The following RASA2 variants were observed in gnomAD, a reference collection of about 807,000 sequenced individuals.
RASA2 encodes ras GTPase-activating protein 2.
RASA2 carries 155 observed loss-of-function variants against 118.2 expected under a neutral mutation model. The ratio of observed to expected loss-of-function variants is 1.31; its 90% confidence interval spans 1.15 to 1.50. The LOEUF (loss-of-function observed/expected upper bound fraction) is 1.50, where lower values mean the gene tolerates loss of function less well. Ranked by LOEUF, RASA2 falls within the 40% of genes most tolerant of loss-of-function variation. The pLI is 0.00. For synonymous variants in RASA2, 353 were observed against 349.1 expected (o/e 1.01, Z -0.12); for missense variants, 1,016 against 1,009.6 (o/e 1.01, Z -0.09).
At chr3:141,550,168 G>T (rs2151110946) in intron 5 of RASA2, among the ~76,000 whole-genome samples, 1 of 152,300 alleles carries the variant, frequency 6.6e-6, no homozygotes, top group South Asian at 2.1e-4. Flanking sequence ...GATGCTAAGT[G>T]AGCATAAGTG....
intron 1 of RASA2, among the ~76,000 whole-genome samples, chr3:141,497,556 G>A (rs983066578): frequency 6.7e-6 from 1 of 150,196 alleles, no homozygotes; most frequent in Non-Finnish European, 1.5e-5. Context: ...AAGAAATAAA[G>A]TCAACTTTTC....
In RASA2 at chr3:141,571,445, T is replaced by A. The variant is rs767072491; in HGVS notation, c.1060T>A (p.Cys354Ser). Reference protein sequence around the residue: ...ASAAYILSEICRDKNDAVLPL... With the variant: ...ASAAYILSEISRDKNDAVLPL... ...AGCTGCTTACATTTTGAGTGAAATATGTCGAGATAAAAATGATGCTGTTTT... is the reference window on the plus strand; with the variant it reads ...AGCTGCTTACATTTTGAGTGAAATAAGTCGAGATAAAAATGATGCTGTTTT... The change falls in exon 11 of 24, where the codon TGT becomes AGT. Residue 354 changes from cysteine (C) to serine (S), a missense_variant. Physicochemically the swap from Cys to Ser is moderately radical, Grantham distance 112. Transcript: ENST00000286364. 1 of 1,613,862 alleles carries A rather than the reference T, an allele frequency of 6.2e-7. No homozygotes were observed. The highest frequency in any genetic ancestry group is 8.5e-7 in the Non-Finnish European group (1 of 1,179,862).
At chr3:141,580,606 A>G (rs767881671) in intron 16 of RASA2, among the ~76,000 whole-genome samples, 155 bp downstream of exon 16, 14 of 151,788 alleles carry the variant, frequency 9.2e-5, no homozygotes, top group Non-Finnish European at 1.9e-4. Context: ...TTAAGTAGAT[A>G]CTCTCTTAGT....
intron 3 of RASA2, among the ~76,000 whole-genome samples, chr3:141,523,281 A>G (rs1297113963): frequency 1.3e-5 from 2 of 151,830 alleles, no homozygotes; most frequent in Non-Finnish European, 2.9e-5. Context: ...ACCCACCCCC[A>G]CACCTGGCTA....
At chr3:141,585,989 T>C in intron 17 of RASA2, 36 bp from the exon 18 acceptor site, 1 of 1,530,330 alleles carries the variant, frequency 6.5e-7, no homozygotes, top group African/African-American at 1.4e-5. Context: ...ATGTACCTTA[T>C]CACACAGTGT....
At chr3:141,560,188 T>C (rs905391986) in intron 9 of RASA2, among the ~76,000 whole-genome samples, 193 bp downstream of exon 9, 2 of 152,192 alleles carry the variant, frequency 1.3e-5, no homozygotes, top group Non-Finnish European at 2.9e-5. Context: ...CCTGTGGTAC[T>C]GAGATAAAAG....
At chr3:141,545,446 G>T (rs2082470075) in intron 5 of RASA2, among the ~76,000 whole-genome samples, 1 of 151,356 alleles carries the variant, frequency 6.6e-6, no homozygotes, top group Non-Finnish European at 1.5e-5. Context: ...AGAGAGAGTG[G>T]GGAGGTACTA....
At chr3:141,610,993 A>G (rs1196628799) in intron 23 of RASA2, among the ~76,000 whole-genome samples, 6 of 151,854 alleles carry the variant, frequency 4.0e-5, no homozygotes, top group Non-Finnish European at 8.8e-5. Context: ...GTAGATGGAT[A>G]CTGCAATGGA....
intron 3 of RASA2, among the ~76,000 whole-genome samples, chr3:141,529,196 G>A (rs949390949): frequency 7.2e-5 from 11 of 152,000 alleles, no homozygotes; most frequent in African/African-American, 2.7e-4. Flanking sequence ...TAATAAAATT[G>A]TTATAATCTC....
chr3:141,606,777 A>G (rs190337418), intron 19 of RASA2, among the ~76,000 whole-genome samples: 169 of 152,280 alleles, frequency 1.1e-3, no homozygotes, highest in South Asian at 1.9e-3. Context: ...GCCCAAAACT[A>G]TGCAATTAAT....
chr3:141,573,733 C>A (rs919491055), intron 13 of RASA2, among the ~76,000 whole-genome samples: 4 of 152,104 alleles, frequency 2.6e-5, no homozygotes, highest in African/African-American at 9.7e-5. Context: ...TCACCTCTTA[C>A]GCCTAGCAAA....
intron 1 of RASA2, among the ~76,000 whole-genome samples, chr3:141,497,624 G>A (rs1007263454): frequency 6.6e-6 from 1 of 151,920 alleles, no homozygotes; most frequent in Non-Finnish European, 1.5e-5. Context: ...TGTAAGAATA[G>A]GCTGAGGAGG....
chr3:141,509,008 A>C (rs73869649), intron 1 of RASA2, among the ~76,000 whole-genome samples: 2,021 of 152,288 alleles, frequency 0.013, 34 homozygotes, highest in African/African-American at 0.046. Flanking sequence ...TATAATAGGC[A>C]CAATATTACT....
chr3:141,571,212 C>G (rs2082914364), intron 10 of RASA2, 144 bp downstream of exon 10: 5 of 1,140,260 alleles, frequency 4.4e-6, no homozygotes, highest in Non-Finnish European at 6.1e-6. Flanking sequence ...ACACACATTT[C>G]TATTTATCTG....
At chr3:141,564,039 A>G (rs1203720527) in intron 9 of RASA2, among the ~76,000 whole-genome samples, 1 of 151,996 alleles carries the variant, frequency 6.6e-6, no homozygotes, top group Non-Finnish European at 1.5e-5. Context: ...TCCTGCAAAG[A>G]AAATCCAAGG....
At chr3:141,588,092 T>C (rs1019299719) in intron 19 of RASA2, among the ~76,000 whole-genome samples, 1 of 152,174 alleles carries the variant, frequency 6.6e-6, no homozygotes, top group African/African-American at 2.4e-5. Context: ...ACTTAGATAC[T>C]TGAAAAGTAA....
At chr3:141,535,127 A>G (rs1405432580) in intron 4 of RASA2, among the ~76,000 whole-genome samples, 1 of 152,160 alleles carries the variant, frequency 6.6e-6, no homozygotes, top group African/African-American at 2.4e-5. Context: ...CCGACATCAT[A>G]TGCTCACCTC....
At position 141,571,005 on chromosome 3, in the gene RASA2, C is replaced by T. The variant is rs746485118; in HGVS notation, c.957C>T (p.Tyr319=). ...LRLNICYTED[Y]VLPSEYYGPL... ...TAAATATATGTTATACAGAAGACTA[C>T]GTGCTTCCTTCAGAGTACTATGGTC... The change falls in exon 10 of 24, where the codon TAC becomes TAT. Residue 319 remains tyrosine (Y), a synonymous_variant. Transcript: ENST00000286364. The T allele has an allele frequency of 1.5e-5, 24 of 1,612,290 alleles. No individual in the cohort carries two copies. Among genetic ancestry groups the T allele is most frequent in the Middle Eastern group, 1.7e-4 (1 of 6,056 alleles).
intron 17 of RASA2, among the ~76,000 whole-genome samples, chr3:141,584,295 C>T (rs1182523379): frequency 9.6e-5 from 13 of 135,340 alleles, no homozygotes; most frequent in Admixed American, 8.8e-4. Context: ...CGCACCATTG[C>T]GCTCCAGCCT....
Sources: gnomAD v4.1 joint callset for allele counts (sites outside exome capture counted in the v4.1 genomes callset) on GRCh38, gnomAD v4.1.1 for gene constraint, MANE v1.5 for transcripts, NCBI Gene and HGNC (gene_info 2026-07-23, HGNC 2026-07-21) for gene names.